The following ABLIM1 variants were observed in gnomAD, a reference collection of about 807,000 sequenced individuals.
The protein encoded by ABLIM1 is actin-binding LIM protein 1.
ABLIM1 carries 40 observed loss-of-function variants against 107.0 expected under a neutral mutation model. That is an observed-to-expected ratio of 0.37 (90% CI 0.29 to 0.49). ABLIM1 has a LOEUF of 0.49. ABLIM1 is among the 20% of genes least tolerant of loss of function. The probability of loss-of-function intolerance (pLI) is 0.97; values close to 1 mark genes in which losing one functional copy is unlikely to be tolerated. For synonymous variants in ABLIM1, 357 were observed against 357.3 expected (o/e 1.00, Z 0.01); for missense variants, 857 against 1,008.5 (o/e 0.85, Z 2.04).
intron 4 of ABLIM1, among the ~76,000 whole-genome samples, chr10:114,569,903 C>T (rs766780160): frequency 5.4e-4 from 82 of 152,200 alleles, no homozygotes; most frequent in Non-Finnish European, 5.9e-4. Flanking sequence ...ATAACATGTG[C>T]TAATATGTGT....
At chr10:114,755,591 A>C (rs1410061601) in intron 1 of ABLIM1, among the ~76,000 whole-genome samples, 1 of 152,236 alleles carries the variant, frequency 6.6e-6, no homozygotes, top group African/African-American at 2.4e-5. Context: ...ATGAGTGAAC[A>C]CCACCCTCAG....
chr10:114,486,913 T>G (rs1298156582), intron 8 of ABLIM1, among the ~76,000 whole-genome samples: 1 of 152,086 alleles, frequency 6.6e-6, no homozygotes. Context: ...ATACGTGTGG[T>G]TCATTCAGAG....
chr10:114,492,113 C>T (rs900807720), intron 6 of ABLIM1, among the ~76,000 whole-genome samples: 17 of 151,986 alleles, frequency 1.1e-4, no homozygotes, highest in African/African-American at 3.6e-4. Flanking sequence ...CCTTGCCTCT[C>T]GGTGTTTCTG....
At chr10:114,507,533 C>A (rs893332296) in intron 6 of ABLIM1, among the ~76,000 whole-genome samples, 1 of 152,190 alleles carries the variant, frequency 6.6e-6, no homozygotes, top group African/African-American at 2.4e-5. Flanking sequence ...TGGGTGCCTG[C>A]CCTGCCCCAA....
intron 2 of ABLIM1, among the ~76,000 whole-genome samples, chr10:114,580,851 G>A (rs1230992090): frequency 6.6e-6 from 1 of 151,970 alleles, no homozygotes; most frequent in African/African-American, 2.4e-5. Context: ...TTTTACTTTG[G>A]GTGCTCCATT....
chr10:114,632,963 T>C (rs981225446), intron 1 of ABLIM1, among the ~76,000 whole-genome samples: 1 of 152,168 alleles, frequency 6.6e-6, no homozygotes, highest in African/African-American at 2.4e-5. Flanking sequence ...TCCTGTGAGC[T>C]GAGGACTTCT....
chr10:114,705,446 A>G (rs1312010461), intron 1 of ABLIM1, among the ~76,000 whole-genome samples: 1 of 152,176 alleles, frequency 6.6e-6, no homozygotes, highest in Admixed American at 6.5e-5. Flanking sequence ...ATGCAAATGA[A>G]GAGGGCAAGG....
chr10:114,499,810 C>T (rs903285176), intron 6 of ABLIM1, among the ~76,000 whole-genome samples: 8 of 152,272 alleles, frequency 5.3e-5, no homozygotes, highest in South Asian at 2.1e-4. Flanking sequence ...ACGCAAGTTC[C>T]CTGTTATGCT....
intron 6 of ABLIM1, among the ~76,000 whole-genome samples, chr10:114,532,427 C>T (rs2065550004): frequency 6.6e-6 from 1 of 152,204 alleles, no homozygotes; most frequent in African/African-American, 2.4e-5. Flanking sequence ...ATCATATCCT[C>T]CCCAAGGCGG....
intron 8 of ABLIM1, among the ~76,000 whole-genome samples, chr10:114,476,688 A>G (rs890438806): frequency 8.1e-6 from 1 of 122,856 alleles, no homozygotes; most frequent in Non-Finnish European, 1.8e-5. Flanking sequence ...ATAAAGTGCA[A>G]TTTCTAGATC....
intron 1 of ABLIM1, among the ~76,000 whole-genome samples, chr10:114,617,041 AC>A (rs1174957761): frequency 4.6e-5 from 7 of 152,204 alleles, no homozygotes; most frequent in Non-Finnish European, 7.3e-5. Flanking sequence ...AACACGACTT[AC>A]TTTTTAGGCA....
At chr10:114,681,419 T>C (rs943005123) in intron 1 of ABLIM1, among the ~76,000 whole-genome samples, 9 of 152,200 alleles carry the variant, frequency 5.9e-5, no homozygotes, top group Admixed American at 5.2e-4. Flanking sequence ...GGTCTCGAAC[T>C]TCTGACCTCA....
At position 114,570,580 on chromosome 10, in the gene ABLIM1, A is replaced by C. The variant is rs1046505322; in HGVS notation, c.673+717T>G. Among the ~76,000 whole-genome samples, 6 of 136,702 alleles carry C rather than the reference A, an allele frequency of 4.4e-5. 1 individual carries two copies. The highest frequency in any genetic ancestry group is 1.5e-4 in the Admixed American group (2 of 13,502). 89.7% of individuals were successfully genotyped at this position (136,702 alleles called of 152,430 possible). On this transcript the variant is annotated intron_variant, in intron 4 of 22. Transcript: ENST00000533213. ...CAAAGGAATTTCTGGGTCACATGGTAGTTCTATTTTTCTGGGTTTTTTTTT... is the reference window on the plus strand; with the variant it reads ...CAAAGGAATTTCTGGGTCACATGGTCGTTCTATTTTTCTGGGTTTTTTTTT...
the ABLIM1 span, among the ~76,000 whole-genome samples, chr10:114,791,234 A>G: frequency 6.6e-6 from 1 of 152,130 alleles, no homozygotes; most frequent in Non-Finnish European, 1.5e-5. Context: ...GGCCTGTGTC[A>G]CTACACAGGG....
chr10:114,656,090 G>A (rs1291556322), intron 1 of ABLIM1, among the ~76,000 whole-genome samples: 1 of 152,062 alleles, frequency 6.6e-6, no homozygotes, highest in African/African-American at 2.4e-5. Flanking sequence ...GGCCAACATG[G>A]TGAAACCCCA....
chr10:114,750,662 C>T (rs1489186258), intron 1 of ABLIM1, among the ~76,000 whole-genome samples: 1 of 152,198 alleles, frequency 6.6e-6, no homozygotes, highest in Non-Finnish European at 1.5e-5. Flanking sequence ...TGTGTCCACT[C>T]AATGCCATCC....
At chr10:114,631,829 C>G in intron 1 of ABLIM1, 1 of 1,288,442 alleles carries the variant, frequency 7.8e-7, no homozygotes, top group Non-Finnish European at 1.0e-6. Context: ...GATCATTCCC[C>G]GTTAGGTGGC....
chr10:114,657,473 A>G (rs1344013938), intron 1 of ABLIM1, among the ~76,000 whole-genome samples: 1 of 152,338 alleles, frequency 6.6e-6, no homozygotes, highest in Non-Finnish European at 1.5e-5. Context: ...AAGTTCTCTC[A>G]ATATTAAAAC....
At chr10:114,655,765 C>G (rs2079478267) in intron 1 of ABLIM1, among the ~76,000 whole-genome samples, 1 of 152,108 alleles carries the variant, frequency 6.6e-6, no homozygotes, top group Admixed American at 6.6e-5. Context: ...CATCCCCGCT[C>G]CCTGCTCCCC....
Sources: gnomAD v4.1 joint callset for allele counts (sites outside exome capture counted in the v4.1 genomes callset) on GRCh38, gnomAD v4.1.1 for gene constraint, MANE v1.5 for transcripts, NCBI Gene and HGNC (gene_info 2026-07-23, HGNC 2026-07-21) for gene names.